TSHZ2: variants seen among roughly 807,000 people sequenced by gnomAD.
TSHZ2 encodes the protein teashirt zinc finger homeobox 2, also known as teashirt homolog 2.
Under a neutral mutation model 74.4 loss-of-function variants are expected in TSHZ2, and 21 were observed. The observed-to-expected ratio is 0.28, with a 90% CI of 0.20 to 0.41. TSHZ2 has a LOEUF of 0.41. Among genes scored for constraint, TSHZ2 ranks in the 10% least tolerant of loss-of-function variants. The pLI, the probability that TSHZ2 is intolerant of heterozygous loss-of-function variation, is 1.00. For missense variants in TSHZ2, 1,244 were observed against 1,293.5 expected, an observed-to-expected ratio of 0.96 and a Z score of 0.59; for synonymous variants, 540 against 515.3, an observed-to-expected ratio of 1.05 and a Z score of -0.65.
chr20:53,102,544 C>G (rs937649088), intron 1 of TSHZ2, among the ~76,000 whole-genome samples: 1 of 151,784 alleles, frequency 6.6e-6, no homozygotes, highest in East Asian at 1.9e-4. Flanking sequence ...TTAATAAGAC[C>G]GTAAAGAGTG....
At chr20:52,998,841 G>A (rs749225734) in intron 1 of TSHZ2, among the ~76,000 whole-genome samples, 3 of 152,112 alleles carry the variant, frequency 2.0e-5, no homozygotes, top group Non-Finnish European at 4.4e-5. Context: ...AATATTGTAG[G>A]CGTATTGCTG....
chr20:53,411,483 C>T (rs1983052318), intron 2 of TSHZ2, among the ~76,000 whole-genome samples: 1 of 152,106 alleles, frequency 6.6e-6, no homozygotes, highest in Non-Finnish European at 1.5e-5. Flanking sequence ...GCCCCTAGGA[C>T]ACTTAACATA....
rs1343399985 is a variant in TSHZ2, at chr20:53,334,756, G to A, written c.*8+78185G>A. Among the ~76,000 whole-genome samples the A allele has an allele frequency of 2.0e-5, 3 of 151,660 alleles. No homozygotes were observed. In the East Asian group the frequency reaches 5.8e-4, roughly 29 times the overall value. On this transcript the variant is annotated intron_variant, in intron 2 of 2. Coordinates refer to ENST00000371497, the MANE Select transcript of TSHZ2 (RefSeq NM_173485.6). ...GTCGCCCAGGCTGGAGTGCAGTGGC[G>A]CACTGCAACCTCCGCCTCCTGGGTT...
chr20:52,985,378 G>C (rs2145257), intron 1 of TSHZ2, among the ~76,000 whole-genome samples: 1 of 152,164 alleles, frequency 6.6e-6, no homozygotes, highest in East Asian at 1.9e-4. Context: ...TTGCAATGAA[G>C]AAAATGGTGA....
intron 1 of TSHZ2, among the ~76,000 whole-genome samples, chr20:53,226,054 A>G (rs1989676945): frequency 6.6e-6 from 1 of 152,176 alleles, no homozygotes. Flanking sequence ...GTATGTATAC[A>G]TAGACATTAT....
chr20:53,089,211 A>T (rs1985796125), intron 1 of TSHZ2, among the ~76,000 whole-genome samples: 1 of 151,768 alleles, frequency 6.6e-6, no homozygotes. Flanking sequence ...ATGTTAGCTC[A>T]TAAAACATAC....
chr20:53,096,120 C>T lies in TSHZ2; in HGVS notation c.40+122787C>T, dbSNP rs115433442. 2.2e-3 allele frequency among the ~76,000 whole-genome samples: 329 copies of T among 152,170 alleles called. 2 individuals are homozygous for T. Among genetic ancestry groups the T allele is most frequent in the African/African-American group, 7.5e-3 (312 of 41,518 alleles). On this transcript the variant is annotated intron_variant, in intron 1 of 2. Coordinates refer to ENST00000371497, the MANE Select transcript of TSHZ2 (RefSeq NM_173485.6). Reference sequence around the variant, plus strand: ...GTCTCCCTCCTGTTAACACTAACACCTCTGTGTTTTTTGTTTGTCTGTTTG... The same window carrying T: ...GTCTCCCTCCTGTTAACACTAACACTTCTGTGTTTTTTGTTTGTCTGTTTG...
intron 1 of TSHZ2, among the ~76,000 whole-genome samples, chr20:52,990,245 A>C (rs1981929182): frequency 6.6e-6 from 1 of 152,180 alleles, no homozygotes; most frequent in Non-Finnish European, 1.5e-5. Flanking sequence ...TTATAATTTG[A>C]ATATTTTTTG....
chr20:53,325,515 G>A (rs967675278), intron 2 of TSHZ2, among the ~76,000 whole-genome samples: 2 of 152,180 alleles, frequency 1.3e-5, no homozygotes, highest in African/African-American at 4.8e-5. Flanking sequence ...TCAGCTCAGG[G>A]AGAGTCACTC....
chr20:53,268,190 T>A (rs1990757440), intron 2 of TSHZ2, among the ~76,000 whole-genome samples: 1 of 152,112 alleles, frequency 6.6e-6, no homozygotes, highest in Admixed American at 6.5e-5. Flanking sequence ...ACCTTTCCAT[T>A]TTCATGTTGG....
rs192990185 is a variant in TSHZ2 at position 53,420,789 on chromosome 20, G to A, written c.*9-66355G>A. Among the ~76,000 whole-genome samples, 213 of 152,080 alleles carry A rather than the reference G, an allele frequency of 1.4e-3. 4 individuals are homozygous for A. Among genetic ancestry groups the A allele is most frequent in the Non-Finnish European group, 1.5e-4 (10 of 67,974 alleles). ...AAAACAAAAAAGAAAAAGTGTGTGG[G>A]GTCCAATAAATTTTTGTTAATGCCT... On this transcript the variant is annotated intron_variant, in intron 2 of 2. Transcript: ENST00000371497.
intron 1 of TSHZ2, among the ~76,000 whole-genome samples, chr20:53,235,832 T>C (rs147260093): frequency 3.9e-5 from 6 of 152,342 alleles, no homozygotes; most frequent in African/African-American, 1.4e-4. Flanking sequence ...TAGTTGAACA[T>C]GAAAGGTCTT....
intron 1 of TSHZ2, among the ~76,000 whole-genome samples, chr20:53,104,473 A>G (rs1465972182): frequency 2.0e-5 from 3 of 152,224 alleles, no homozygotes; most frequent in African/African-American, 7.2e-5. Context: ...AGAGCACAGT[A>G]ATGGGTAATT....
At chr20:53,294,501 G>A (rs1377900252) in intron 2 of TSHZ2, among the ~76,000 whole-genome samples, 1 of 152,102 alleles carries the variant, frequency 6.6e-6, no homozygotes, top group Non-Finnish European at 1.5e-5. Flanking sequence ...GAGAGACAGA[G>A]AGTATTTTAT....
At chr20:53,464,547 C>T (rs1385552828) in intron 2 of TSHZ2, among the ~76,000 whole-genome samples, 2 of 152,154 alleles carry the variant, frequency 1.3e-5, no homozygotes, top group Non-Finnish European at 2.9e-5. Context: ...CCTGCAGCCT[C>T]TACCTCCCAG....
chr20:53,086,470 A>G (rs926812), intron 1 of TSHZ2, among the ~76,000 whole-genome samples: 141,926 of 152,014 alleles, frequency 0.93, 66,351 homozygotes, highest in African/African-American at 0.99. Flanking sequence ...CTTGAGGAGC[A>G]AGTAGTTCTT....
intron 2 of TSHZ2, among the ~76,000 whole-genome samples, chr20:53,272,002 G>A (rs1202511002): frequency 6.6e-6 from 1 of 151,856 alleles, no homozygotes; most frequent in East Asian, 1.9e-4. Context: ...TGGGAAGTGA[G>A]TGGAGAAGTG....
rs547394704 is a variant in TSHZ2 at position 53,440,940 on chromosome 20, C to T, written c.*9-46204C>T. Among the ~76,000 whole-genome samples the T allele has an allele frequency of 2.6e-5, 4 of 152,278 alleles. No individual in the cohort carries two copies. In the South Asian group the frequency reaches 8.3e-4, roughly 32 times the overall value. ...CAGCTTTCTAGGTGACTCACATGGT[C>T]AACCAGGGCTGAGAACCATTGTCAC... is the stretch of plus-strand genomic sequence containing the variant. On this transcript the variant is annotated intron_variant, in intron 2 of 2. Transcript: ENST00000371497.
intron 2 of TSHZ2, among the ~76,000 whole-genome samples, chr20:53,457,907 G>T (rs1276645919): frequency 6.7e-6 from 1 of 149,554 alleles, no homozygotes; most frequent in Non-Finnish European, 1.5e-5. Context: ...CAGGGATGAA[G>T]CCCACTTGAT....
Sources: gnomAD v4.1 joint callset for allele counts (sites outside exome capture counted in the v4.1 genomes callset) on GRCh38, gnomAD v4.1.1 for gene constraint, MANE v1.5 for transcripts, NCBI Gene and HGNC (gene_info 2026-07-23, HGNC 2026-07-21) for gene names.